GABRB2: variants seen among roughly 807,000 people sequenced by gnomAD.
GABRB2 encodes the protein gamma-aminobutyric acid receptor subunit beta-2.
GABRB2 carries 16 observed loss-of-function variants against 54.7 expected under a neutral mutation model. The observed-to-expected ratio is 0.29, with a 90% CI of 0.20 to 0.44. GABRB2 has a LOEUF of 0.44. Among genes scored for constraint, GABRB2 ranks in the 20% least tolerant of loss-of-function variants. The probability of loss-of-function intolerance (pLI) is 1.00; values close to 1 mark genes in which losing one functional copy is unlikely to be tolerated. For missense variants in GABRB2, 355 were observed against 644.0 expected (o/e 0.55, Z 4.86); for synonymous variants, 244 against 233.8 (o/e 1.04, Z -0.40).
chr5:161,354,860 T>C (rs1430457259), intron 5 of GABRB2, among the ~76,000 whole-genome samples: 1 of 152,116 alleles, frequency 6.6e-6, no homozygotes. Flanking sequence ...TTGCTTTTAG[T>C]TGCAAAAACT....
chr5:161,531,562 G>A (rs988324948), intron 3 of GABRB2, among the ~76,000 whole-genome samples: 2 of 151,926 alleles, frequency 1.3e-5, no homozygotes, highest in African/African-American at 4.8e-5. Context: ...AGACTCTAGA[G>A]GTTGCAAGGT....
intron 4 of GABRB2, among the ~76,000 whole-genome samples, chr5:161,429,344 T>TAAAAAAAAAAAAAA (rs1561646864): frequency 4.4e-3 from 1 of 226 alleles, no homozygotes; most frequent in East Asian, 0.1. Flanking sequence ...AGAATCCGTC[T>TAAAAAAAAAAAAAA]CAAAAAAAAA....
intron 5 of GABRB2, among the ~76,000 whole-genome samples, chr5:161,408,036 A>C (rs1756396557): frequency 6.6e-6 from 1 of 152,080 alleles, no homozygotes; most frequent in South Asian, 2.1e-4. Flanking sequence ...TTAAGATGCT[A>C]TAGAACTAAG....
At chr5:161,305,395 A>G (rs1219999077) in intron 9 of GABRB2, among the ~76,000 whole-genome samples, 1 of 152,232 alleles carries the variant, frequency 6.6e-6, no homozygotes, top group Non-Finnish European at 1.5e-5. Context: ...CAGGAAGTGC[A>G]GAATGAAGTT....
At position 161,501,296 on chromosome 5, in the gene GABRB2, T is replaced by TA. The variant is rs139554405; in HGVS notation, c.238-41453dup. 1.9e-3 allele frequency among the ~76,000 whole-genome samples: 277 copies of TA among 149,448 alleles called. 1 individual carries two copies. The highest frequency in any genetic ancestry group is 2.9e-3 in the Non-Finnish European group (197 of 67,258). ...AATATGCTTTGTGACAAGTCTTTGT[T>TA]AAAAAAAAAAGTGCTGTGGGTAGTA... is the stretch of plus-strand genomic sequence containing the variant. On this transcript the variant is annotated intron_variant, in intron 3 of 9. Transcript: ENST00000393959.
chr5:161,371,914 G>C (rs1388451305), intron 5 of GABRB2, among the ~76,000 whole-genome samples: 1 of 151,788 alleles, frequency 6.6e-6, no homozygotes, highest in Non-Finnish European at 1.5e-5. Context: ...TATTTTTGTA[G>C]AGACAGGGTC....
chr5:161,513,709 A>C (rs1355225134), intron 3 of GABRB2, among the ~76,000 whole-genome samples: 3 of 152,066 alleles, frequency 2.0e-5, no homozygotes, highest in Non-Finnish European at 2.9e-5. Flanking sequence ...TGATGGGCTC[A>C]TTTATATCTG....
intron 3 of GABRB2, among the ~76,000 whole-genome samples, chr5:161,526,080 T>C (rs1212905397): frequency 1.3e-5 from 2 of 151,436 alleles, no homozygotes; most frequent in South Asian, 2.1e-4. Flanking sequence ...TGAAAGACTT[T>C]CTAAATCTTC....
intron 3 of GABRB2, among the ~76,000 whole-genome samples, chr5:161,467,869 A>G (rs997495480): frequency 2.6e-5 from 4 of 152,076 alleles, no homozygotes; most frequent in African/African-American, 9.7e-5. Context: ...TTTCCAGTAA[A>G]TGGTAGAAAC....
intron 4 of GABRB2, among the ~76,000 whole-genome samples, chr5:161,417,355 T>C (rs1431723660): frequency 6.6e-6 from 1 of 152,242 alleles, no homozygotes; most frequent in African/African-American, 2.4e-5. Flanking sequence ...TAAGTCATAT[T>C]GTTATTCCCA....
At chr5:161,406,615 A>G (rs139082166) in intron 5 of GABRB2, among the ~76,000 whole-genome samples, 3 of 152,152 alleles carry the variant, frequency 2.0e-5, no homozygotes, top group African/African-American at 7.2e-5. Context: ...AACAGACTTC[A>G]TGTGAGCTTC....
intron 4 of GABRB2, among the ~76,000 whole-genome samples, chr5:161,452,648 T>C (rs1757821600): frequency 6.6e-6 from 1 of 152,156 alleles, no homozygotes; most frequent in Non-Finnish European, 1.5e-5. Context: ...TTGCCCAATA[T>C]ACCTCAAGTA....
chr5:161,499,377 T>C (rs1759358360), intron 3 of GABRB2, among the ~76,000 whole-genome samples: 1 of 152,134 alleles, frequency 6.6e-6, no homozygotes, highest in Admixed American at 6.6e-5. Context: ...ATAATTCTCC[T>C]TATTGGGGTC....
intron 3 of GABRB2, among the ~76,000 whole-genome samples, chr5:161,463,753 G>GGGTCTAAAAC (rs1758198235): frequency 6.6e-6 from 1 of 150,382 alleles, no homozygotes; most frequent in Non-Finnish European, 1.5e-5. Context: ...TAAAACAGAA[G>GGGTCTAAAAC]AGTCTAAAAG....
At chr5:161,439,693 T>C (rs1016521265) in intron 4 of GABRB2, among the ~76,000 whole-genome samples, 2 of 152,178 alleles carry the variant, frequency 1.3e-5, no homozygotes, top group Non-Finnish European at 2.9e-5. Flanking sequence ...TTATTAGTTT[T>C]CTTTTTGCTT....
intron 9 of GABRB2, among the ~76,000 whole-genome samples, chr5:161,315,464 T>C (rs1758001799): frequency 6.6e-6 from 1 of 152,162 alleles, no homozygotes; most frequent in Non-Finnish European, 1.5e-5. Flanking sequence ...TTCTCATCTA[T>C]AAAATGGGGA....
At chr5:161,435,474 T>C (rs1434490817) in intron 4 of GABRB2, among the ~76,000 whole-genome samples, 1 of 152,174 alleles carries the variant, frequency 6.6e-6, no homozygotes. Context: ...CTGTTAGTGA[T>C]GAGTATTTCT....
intron 3 of GABRB2, among the ~76,000 whole-genome samples, chr5:161,526,116 C>T (rs1760271179): frequency 6.6e-6 from 1 of 151,192 alleles, no homozygotes; most frequent in Non-Finnish European, 1.5e-5. Flanking sequence ...ATATGTATTC[C>T]AAAAGACATA....
chr5:161,321,691 T>C (rs1758215685), intron 9 of GABRB2, among the ~76,000 whole-genome samples: 1 of 152,186 alleles, frequency 6.6e-6, no homozygotes, highest in South Asian at 2.1e-4. Flanking sequence ...TAAGAACTTT[T>C]CCATTGTCTA....
Sources: allele counts gnomAD v4.1 joint callset (sites outside exome capture counted in the v4.1 genomes callset), GRCh38; gene constraint gnomAD v4.1.1; transcripts MANE v1.5; gene names NCBI Gene and HGNC (gene_info 2026-07-23, HGNC 2026-07-21).